Variants in AFMID observed in about 807,000 individuals in gnomAD.
AFMID encodes kynurenine formamidase.
In AFMID, 39 loss-of-function variants were observed where a neutral mutation model predicts 47.5. That is an observed-to-expected ratio of 0.82 (90% confidence interval 0.64 to 1.07). The LOEUF is 1.07. Among genes scored for constraint, AFMID ranks in the 50% least tolerant of loss-of-function variants. The pLI is 0.00. For missense variants in AFMID, 375 were observed against 387.5 expected, an observed-to-expected ratio of 0.97 and a Z score of 0.27; for synonymous variants, 130 against 153.2, an observed-to-expected ratio of 0.85 and a Z score of 1.12.
chr17:78,190,915 G>A (rs2075949351), intron 1 of AFMID, 55 bp from the exon 2 acceptor site: 2 of 1,534,634 alleles, frequency 1.3e-6, no homozygotes, highest in South Asian at 2.3e-5. Context: ...GAGGGGGAGG[G>A]GCACACTCTG....
intron 1 of AFMID, among the ~76,000 whole-genome samples, chr17:78,189,527 G>T (rs1368855168): frequency 5.7e-5 from 8 of 140,594 alleles, no homozygotes; most frequent in Non-Finnish European, 9.3e-5. Flanking sequence ...CCAGTGTTTT[G>T]TTTTTTTTTT....
intron 1 of AFMID, among the ~76,000 whole-genome samples, chr17:78,189,653 G>A (rs1228519071): frequency 6.6e-6 from 1 of 151,698 alleles, no homozygotes; most frequent in East Asian, 1.9e-4. Context: ...CGAATAGCTA[G>A]GACTACAGGT....
At chr17:78,203,055 C>CT (rs56016227) in intron 4 of AFMID, 4,241 of 110,802 alleles carry the variant, frequency 0.038, 106 homozygotes, top group East Asian at 0.058. Flanking sequence ...CTTCCTCTCT[C>CT]TTTTTTTTTT....
At chr17:78,189,172 T>A (rs1043409910) in intron 1 of AFMID, among the ~76,000 whole-genome samples, 101 of 152,092 alleles carry the variant, frequency 6.6e-4, no homozygotes, top group Admixed American at 2.2e-3. Context: ...ACTTCCCATT[T>A]CTCATGATGG....
intron 9 of AFMID, 87 bp from the exon 10 acceptor site, chr17:78,205,859 C>T: frequency 1.3e-6 from 2 of 1,594,228 alleles, no homozygotes; most frequent in Non-Finnish European, 1.7e-6. Flanking sequence ...CTGAGTGAAC[C>T]CTGACCTGTG....
chr17:78,190,707 A>G (rs751844278), intron 1 of AFMID: 28 of 404,718 alleles, frequency 6.9e-5, no homozygotes, highest in Middle Eastern at 6.6e-4. Flanking sequence ...CCCTGGTCGT[A>G]ACTGCTGTGG....
chr17:78,201,789 GGC>G lies in AFMID; in HGVS notation c.155-708_155-707del, dbSNP rs1303873004. 4.6e-4 allele frequency among the ~76,000 whole-genome samples: 70 copies of G among 151,866 alleles called. No homozygotes were observed. The East Asian group carries it at 9.4e-3, about 20-fold the overall frequency. ...TCTGTCCCCCAGGCTAGAGTGCAGT[GGC>G]GTGATCTCAGCTCACTGCAAGCTCC... On this transcript the variant is annotated intron_variant, in intron 2 of 10. Coordinates refer to ENST00000409257, the MANE Select transcript of AFMID (RefSeq NM_001010982.5).
chr17:78,192,458 G>A lies in AFMID; in HGVS notation c.154+1398G>A, dbSNP rs1238937206. On this transcript the variant is annotated intron_variant, in intron 2 of 10. Transcript: ENST00000409257. ...GCCTCCTGAGTAGCTGGGATTACAG[G>A]CCTGTGCCACCAAGCCCAGCTAATT... Among the ~76,000 whole-genome samples, 2 of 151,694 alleles carry A rather than the reference G, an allele frequency of 1.3e-5. 1 individual carries two copies. The highest frequency in any genetic ancestry group is 3.9e-4 in the East Asian group (2 of 5,178).
intron 2 of AFMID, among the ~76,000 whole-genome samples, chr17:78,193,836 G>T (rs563016045): frequency 6.6e-6 from 1 of 152,020 alleles, no homozygotes; most frequent in East Asian, 1.9e-4. Flanking sequence ...AATTAGCTGG[G>T]CGTGGTGCGG....
intron 2 of AFMID, among the ~76,000 whole-genome samples, chr17:78,199,656 C>T (rs1028803292): frequency 5.8e-5 from 8 of 137,242 alleles, no homozygotes; most frequent in Admixed American, 1.4e-4. Context: ...TGCAGGTGTG[C>T]GCCGCCGCGC....
intron 2 of AFMID, among the ~76,000 whole-genome samples, chr17:78,194,008 G>C (rs1364591726): frequency 6.6e-6 from 1 of 151,468 alleles, no homozygotes; most frequent in Non-Finnish European, 1.5e-5. Context: ...AAATTAGCAG[G>C]GTGCCGTAGT....
chr17:78,198,595 C>T (rs1018539039), intron 2 of AFMID, among the ~76,000 whole-genome samples: 1 of 149,918 alleles, frequency 6.7e-6, no homozygotes, highest in Non-Finnish European at 1.5e-5. Context: ...GCGGAGATTG[C>T]GCCGTTGCAC....
intron 2 of AFMID, among the ~76,000 whole-genome samples, chr17:78,198,954 C>T (rs947283897): frequency 6.6e-6 from 1 of 152,230 alleles, no homozygotes; most frequent in Non-Finnish European, 1.5e-5. Flanking sequence ...ACTCCCCCTC[C>T]CTTTCATCCA....
chr17:78,195,855 T>A (rs550644302), intron 2 of AFMID, among the ~76,000 whole-genome samples: 24 of 151,768 alleles, frequency 1.6e-4, no homozygotes, highest in East Asian at 1.4e-3. Flanking sequence ...TATTATTATT[T>A]TTGTTTTTGA....
chr17:78,206,901 C>T lies in AFMID; in HGVS notation c.886-10C>T. 1.2e-6 allele frequency: 2 copies of T among 1,613,894 alleles called. No individual in the cohort carries two copies. Among genetic ancestry groups the T allele is most frequent in the South Asian group, 2.2e-5 (2 of 91,056 alleles). On this transcript the variant is annotated splice_polypyrimidine_tract_variant and intron_variant, in intron 10 of 10. Coordinates refer to ENST00000409257, the MANE Select transcript of AFMID (RefSeq NM_001010982.5). ...TTCTGGGGCTTTTGTGTCTTCTCTT[C>T]CTGTTCCAGATTATCTTGAAAACAA...
intron 6 of AFMID, 23 bp downstream of exon 6, chr17:78,204,923 C>A: frequency 6.2e-7 from 1 of 1,614,114 alleles, no homozygotes; most frequent in South Asian, 1.1e-5. Flanking sequence ...AGTAGATTTT[C>A]TTCCTGTTGG....
rs143411034 is a variant in AFMID, at chr17:78,188,093, G to A, written c.63+660G>A. On this transcript the variant is annotated intron_variant, in intron 1 of 10. Coordinates refer to ENST00000409257, the MANE Select transcript of AFMID (RefSeq NM_001010982.5). ...TATGTGGCACAGGCTGAAGGATTCA[G>A]AACAGCTGGTATTTACATTGGGGTT... Among the ~76,000 whole-genome samples the A allele has an allele frequency of 2.8e-3, 419 of 151,176 alleles. 3 individuals carry two copies. Among genetic ancestry groups the A allele is most frequent in the African/African-American group, 9.7e-3 (399 of 41,140 alleles).
intron 7 of AFMID, 105 bp from the exon 8 acceptor site, chr17:78,205,335 C>A: frequency 6.9e-7 from 1 of 1,458,764 alleles, no homozygotes; most frequent in Non-Finnish European, 9.6e-7. Context: ...TCTCTGCCTC[C>A]TCTGTGCCCC....
intron 2 of AFMID, among the ~76,000 whole-genome samples, chr17:78,202,260 T>A (rs551592339): frequency 5.5e-4 from 81 of 148,294 alleles, no homozygotes; most frequent in South Asian, 1.5e-3. Flanking sequence ...TACTAAAAAA[T>A]ATATATATAT....
Sources: allele counts gnomAD v4.1 joint callset (sites outside exome capture counted in the v4.1 genomes callset), GRCh38; gene constraint gnomAD v4.1.1; transcripts MANE v1.5; gene names NCBI Gene and HGNC (gene_info 2026-07-23, HGNC 2026-07-21).